Variants in RABGAP1L observed in about 807,000 individuals in gnomAD.
RABGAP1L encodes RAB GTPase activating protein 1 like.
In RABGAP1L, 63 loss-of-function variants were observed where a neutral mutation model predicts 137.7. The observed-to-expected ratio is 0.46, with a 90% CI of 0.37 to 0.56. RABGAP1L has a LOEUF of 0.56. RABGAP1L is among the 20% of genes least tolerant of loss of function. The probability of loss-of-function intolerance (pLI) is 0.00; values close to 1 mark genes in which losing one functional copy is unlikely to be tolerated. For synonymous variants in RABGAP1L, 431 were observed against 433.7 expected (o/e 0.99, Z 0.08); for missense variants, 1,095 against 1,244.0 (o/e 0.88, Z 1.80).
intron 18 of RABGAP1L, among the ~76,000 whole-genome samples, chr1:174,795,660 GGCTC>G (rs1688191913): frequency 6.6e-6 from 1 of 152,144 alleles, no homozygotes; most frequent in South Asian, 2.1e-4. Context: ...TGGCTTTCCA[GGCTC>G]AAGTGATCCT....
At chr1:174,949,941 G>C (rs1667461134) in intron 19 of RABGAP1L, among the ~76,000 whole-genome samples, 1 of 152,176 alleles carries the variant, frequency 6.6e-6, no homozygotes, top group Non-Finnish European at 1.5e-5. Flanking sequence ...CAGTATTTCA[G>C]AAGCTCTCAA....
At chr1:174,908,500 C>T (rs951408823) in intron 19 of RABGAP1L, among the ~76,000 whole-genome samples, 8 of 149,336 alleles carry the variant, frequency 5.4e-5, no homozygotes, top group African/African-American at 2.0e-4. Flanking sequence ...ATCAAAAATA[C>T]ACAAACACAT....
intron 13 of RABGAP1L, among the ~76,000 whole-genome samples, chr1:174,620,277 A>G (rs1371074080): frequency 1.3e-5 from 2 of 152,346 alleles, no homozygotes; most frequent in East Asian, 1.9e-4. Context: ...CTCTGCACCA[A>G]GCAGACCTAA....
At chr1:174,602,050 C>T (rs1173727404) in intron 13 of RABGAP1L, among the ~76,000 whole-genome samples, 2 of 152,288 alleles carry the variant, frequency 1.3e-5, no homozygotes, top group Non-Finnish European at 2.9e-5. Flanking sequence ...CCCACATTTT[C>T]CCATCTTCTT....
chr1:174,729,086 T>A (rs1682244262), intron 17 of RABGAP1L, among the ~76,000 whole-genome samples: 1 of 152,160 alleles, frequency 6.6e-6, no homozygotes, highest in Non-Finnish European at 1.5e-5. Context: ...ACTGTAAGGC[T>A]ATATAGTAAT....
At chr1:174,176,750 C>CAAAAAAAAAAAAAA (rs1431292978) in intron 1 of RABGAP1L, among the ~76,000 whole-genome samples, 1 of 49,174 alleles carries the variant, frequency 2.0e-5, no homozygotes, top group African/African-American at 1.0e-4. Flanking sequence ...AAAAAAAGGT[C>CAAAAAAAAAAAAAA]AACATTTGTT....
At chr1:174,589,529 T>C (rs1325388547) in intron 13 of RABGAP1L, among the ~76,000 whole-genome samples, 1 of 152,208 alleles carries the variant, frequency 6.6e-6, no homozygotes, top group Non-Finnish European at 1.5e-5. Flanking sequence ...AAGAAATTTT[T>C]GCCCAGCTTG....
chr1:174,742,586 G>A (rs972644297), intron 17 of RABGAP1L, among the ~76,000 whole-genome samples: 41 of 152,176 alleles, frequency 2.7e-4, no homozygotes, highest in African/African-American at 9.7e-4. Context: ...GATGGATTGG[G>A]TTAATGGAAA....
At chr1:174,420,900 C>T (rs1479564677) in intron 13 of RABGAP1L, among the ~76,000 whole-genome samples, 1 of 152,132 alleles carries the variant, frequency 6.6e-6, no homozygotes, top group East Asian at 1.9e-4. Context: ...TGGTCTCGAT[C>T]TCCTGACTTC....
Position 174,907,097 on chromosome 1 carries a change from A to G in RABGAP1L, c.2341-50360A>G, listed in dbSNP as rs569352576. ...GGGTTAAAAAAAAAAAGTTTTCAAGATATAAAACCCACTTGTAAAATTAAG... is the reference window on the plus strand; with the variant it reads ...GGGTTAAAAAAAAAAAGTTTTCAAGGTATAAAACCCACTTGTAAAATTAAG... On this transcript the variant is annotated intron_variant, in intron 19 of 25. Coordinates refer to ENST00000681986, the MANE Select transcript of RABGAP1L (RefSeq NM_001366446.1). 3.9e-5 allele frequency among the ~76,000 whole-genome samples: 6 copies of G among 152,290 alleles called. No individual in the cohort carries two copies. In the South Asian group the frequency reaches 1.2e-3, roughly 32 times the overall value.
chr1:174,961,998 A>C (rs2149351261), intron 20 of RABGAP1L, among the ~76,000 whole-genome samples: 1 of 151,670 alleles, frequency 6.6e-6, no homozygotes, highest in Non-Finnish European at 1.5e-5. Context: ...TCTACTAAAA[A>C]ATAAATAAAT....
intron 13 of RABGAP1L, among the ~76,000 whole-genome samples, chr1:174,558,686 G>T (rs1667029163): frequency 6.6e-6 from 1 of 152,138 alleles, no homozygotes; most frequent in African/African-American, 2.4e-5. Context: ...CCCATAACAT[G>T]CTAATTAATA....
intron 13 of RABGAP1L, among the ~76,000 whole-genome samples, chr1:174,560,659 C>A (rs1267401564): frequency 6.6e-6 from 1 of 152,164 alleles, no homozygotes; most frequent in Non-Finnish European, 1.5e-5. Context: ...ATGGTCTCAT[C>A]ACCCAGGTAG....
intron 19 of RABGAP1L, among the ~76,000 whole-genome samples, chr1:174,914,418 A>G (rs1459710863): frequency 6.6e-6 from 1 of 152,234 alleles, no homozygotes; most frequent in Non-Finnish European, 1.5e-5. Context: ...ATGGCTGGGA[A>G]TGATCATCTT....
At chr1:174,380,361 T>A (rs1444793514) in intron 12 of RABGAP1L, among the ~76,000 whole-genome samples, 1 of 152,026 alleles carries the variant, frequency 6.6e-6, no homozygotes, top group African/African-American at 2.4e-5. Context: ...TCAGAAGGAA[T>A]GGTACCGGTT....
At chr1:174,866,770 A>G (rs893366684) in intron 19 of RABGAP1L, among the ~76,000 whole-genome samples, 37 of 151,920 alleles carry the variant, frequency 2.4e-4, no homozygotes, top group Non-Finnish European at 2.4e-4. Context: ...AAAATGAGCC[A>G]GGCTTGGTAG....
chr1:174,694,136 AAATATAACATAT>A (rs1679074938), intron 15 of RABGAP1L, among the ~76,000 whole-genome samples: 1 of 152,224 alleles, frequency 6.6e-6, no homozygotes, highest in Admixed American at 6.5e-5. Context: ...TGTTATATGC[AAATATAACATAT>A]ATGGTTACCT....
At chr1:174,848,833 G>C (rs1312270340) in intron 19 of RABGAP1L, among the ~76,000 whole-genome samples, 1 of 151,410 alleles carries the variant, frequency 6.6e-6, no homozygotes, top group African/African-American at 2.4e-5. Context: ...CAGCTTCGCT[G>C]CCGCCTTGCA....
chr1:174,868,285 A>C (rs1342780374), intron 19 of RABGAP1L, among the ~76,000 whole-genome samples: 1 of 152,220 alleles, frequency 6.6e-6, no homozygotes, highest in Non-Finnish European at 1.5e-5. Context: ...TCTTAGAGCA[A>C]GTATCTCTTC....
Sources: allele counts gnomAD v4.1 joint callset (sites outside exome capture counted in the v4.1 genomes callset), GRCh38; gene constraint gnomAD v4.1.1; transcripts MANE v1.5; gene names NCBI Gene and HGNC (gene_info 2026-07-23, HGNC 2026-07-21).